The following CARHSP1 variants were observed in gnomAD, a reference collection of about 807,000 sequenced individuals.
CARHSP1 encodes calcium regulated heat stable protein 1.
Under a neutral mutation model 12.5 loss-of-function variants are expected in CARHSP1, and 14 were observed. The ratio of observed to expected loss-of-function variants is 1.12; its 90% CI spans 0.74 to 1.75. The LOEUF is 1.75. CARHSP1 is among the 40% of genes most tolerant of loss of function. The pLI is 0.00. For missense variants in CARHSP1, 343 were observed against 201.6 expected, an observed-to-expected ratio of 1.70 and a Z score of -4.25; for synonymous variants, 161 against 82.0, an observed-to-expected ratio of 1.96 and a Z score of -5.20.
At chr16:8,861,556 A>G in intron 1 of CARHSP1, 1 of 1,227,052 alleles carries the variant, frequency 8.1e-7, no homozygotes, top group Non-Finnish European at 1.1e-6. Context: ...CCCATCCCTG[A>G]AATGTCAGAA....
At position 8,855,075 on chromosome 16, in the gene CARHSP1, C is replaced by A; in HGVS notation, c.*89G>T. On this transcript the variant is annotated 3_prime_UTR_variant, in exon 4 of 4. Coordinates refer to ENST00000311052, the MANE Select transcript of CARHSP1 (RefSeq NM_014316.4). ...ACCATGCCCGGCTGAAGCCCCGTCT[C>A]GTGTGGAAGAATGTCATCTCCAGTG... is the stretch of plus-strand genomic sequence containing the variant. The A allele has an allele frequency of 8.2e-7, 1 of 1,213,764 alleles. No homozygotes were observed. Among genetic ancestry groups the A allele is most frequent in the Non-Finnish European group, 1.1e-6 (1 of 900,670 alleles). The allele number at this position is 1,213,764 out of a possible 1,614,324, so 75.2% of individuals were successfully genotyped here. A position where few individuals can be genotyped will look rare whatever the true frequency, so the allele number is the denominator to read the frequency against.
At chr16:8,864,598 A>C (rs565719980) in intron 1 of CARHSP1, among the ~76,000 whole-genome samples, 1 of 152,346 alleles carries the variant, frequency 6.6e-6, no homozygotes, top group South Asian at 2.1e-4. Context: ...AGACAGCAGA[A>C]ATGCTACGGA....
At chr16:8,859,011 C>A (rs920102225) in intron 2 of CARHSP1, 160 bp downstream of exon 2, 2 of 601,082 alleles carry the variant, frequency 3.3e-6, no homozygotes, top group East Asian at 2.9e-5. Flanking sequence ...ATTTACAAGG[C>A]GCCTTCCTAG....
chr16:8,861,003 T>C (rs2061334915), intron 1 of CARHSP1, among the ~76,000 whole-genome samples: 1 of 147,274 alleles, frequency 6.8e-6, no homozygotes, highest in South Asian at 2.2e-4. Context: ...TGAGCCGAGA[T>C]CACACCACAG....
Position 8,858,652 on chromosome 16 carries a change from G to A in CARHSP1, c.159-180C>T, listed in dbSNP as rs559103812. Reference sequence around the variant, plus strand: ...GGAGCCGCTCACAAAGACGCTGGGGGAAAGGACTCTTTGGATGACCCTGGC... The same window carrying A: ...GGAGCCGCTCACAAAGACGCTGGGGAAAAGGACTCTTTGGATGACCCTGGC... On this transcript the variant is annotated intron_variant, in intron 2 of 3. Coordinates refer to ENST00000311052, the MANE Select transcript of CARHSP1 (RefSeq NM_014316.4). The A allele has an allele frequency of 9.6e-6, 7 of 725,428 alleles. No homozygotes were observed. The South Asian group carries it at 1.2e-4, about 13-fold the overall frequency. 44.9% of individuals were successfully genotyped at this position (725,428 alleles called of 1,614,324 possible).
At chr16:8,867,924 CTAA>C (rs1399001008) in intron 1 of CARHSP1, 1 of 152,308 alleles carries the variant, frequency 6.6e-6, no homozygotes, top group East Asian at 1.9e-4. Flanking sequence ...TGGGGTAGAT[CTAA>C]GCGGATTGTT....
chr16:8,855,152 T>C lies in CARHSP1; in HGVS notation c.*12A>G. 1 of 1,568,104 alleles carries C rather than the reference T, an allele frequency of 6.4e-7. No individual in the cohort carries two copies. The highest frequency in any genetic ancestry group is 8.7e-7 in the Non-Finnish European group (1 of 1,152,694). On this transcript the variant is annotated 3_prime_UTR_variant, in exon 4 of 4. Coordinates refer to ENST00000311052, the MANE Select transcript of CARHSP1 (RefSeq NM_014316.4). Reference sequence around the variant, plus strand: ...CCCACAAGCACAGGACAAGGGGTGCTTCCACCATCTCCTAGGAGCTGATGA... The same window carrying C: ...CCCACAAGCACAGGACAAGGGGTGCCTCCACCATCTCCTAGGAGCTGATGA...
intron 1 of CARHSP1, among the ~76,000 whole-genome samples, chr16:8,863,207 A>G (rs1292343456): frequency 2.9e-5 from 4 of 139,808 alleles, no homozygotes; most frequent in East Asian, 2.1e-4. Flanking sequence ...GAAGCCTCTC[A>G]ACCTCCTGGG....
intron 1 of CARHSP1, chr16:8,861,590 T>A: frequency 7.8e-7 from 1 of 1,284,244 alleles, no homozygotes; most frequent in Non-Finnish European, 1.0e-6. Flanking sequence ...ATTGCTGCAC[T>A]CTCCCGTTGG....
intron 3 of CARHSP1, among the ~76,000 whole-genome samples, chr16:8,855,957 A>AGGCACCACAGCCAGCTAATTTTTG (rs1195642526): frequency 6.6e-6 from 1 of 152,012 alleles, no homozygotes; most frequent in East Asian, 1.9e-4. Context: ...CTGGGACTAT[A>AGGCACCACAGCCAGCTAATTTTTG]GGCACCACAG....
intron 1 of CARHSP1, among the ~76,000 whole-genome samples, chr16:8,862,019 A>ATTTTTTTTTTTTTTTTTTTTT (rs1555457429): frequency 1.2e-3 from 89 of 72,496 alleles, no homozygotes; most frequent in South Asian, 1.9e-3. Flanking sequence ...TTTTTTTTTA[A>ATTTTTTTTTTTTTTTTTTTTT]TTTGAGATGG....
chr16:8,856,086 A>G (rs985442784), intron 3 of CARHSP1, among the ~76,000 whole-genome samples: 4 of 152,172 alleles, frequency 2.6e-5, no homozygotes, highest in Non-Finnish European at 4.4e-5. Context: ...TGGGATTACA[A>G]GCGTGAGCCA....
In CARHSP1 at chr16:8,855,219, T is replaced by C; in HGVS notation, c.389A>G (p.His130Arg). 1 of 1,612,982 alleles carries C rather than the reference T, an allele frequency of 6.2e-7. No individual in the cohort carries two copies. The highest frequency in any genetic ancestry group is 8.5e-7 in the Non-Finnish European group (1 of 1,179,346). The change falls in exon 4 of 4, where the codon CAC (histidine) becomes CGC (arginine). Residue 130 changes from histidine to arginine, a missense_variant. Transcript: ENST00000311052. ...CTCATGCTTGGTGCCTGGTGCCAGG[T>C]GAGTGATGACGACCTCCACGGCCTG... ...KLQAVEVVITHLAPGTKHETW... is the reference protein window; with the variant it reads ...KLQAVEVVITRLAPGTKHETW...
At chr16:8,867,816 G>A (rs1049581481) in intron 1 of CARHSP1, 2 of 152,376 alleles carry the variant, frequency 1.3e-5, no homozygotes, top group Non-Finnish European at 2.9e-5. Flanking sequence ...CAGAGGCAGA[G>A]AGAGGCTGGA....
intron 1 of CARHSP1, among the ~76,000 whole-genome samples, chr16:8,866,038 C>T (rs2061449183): frequency 6.6e-6 from 1 of 152,150 alleles, no homozygotes; most frequent in Non-Finnish European, 1.5e-5. Flanking sequence ...ACTGCAGCCT[C>T]AACCTCCTGG....
chr16:8,860,207 C>G, intron 1 of CARHSP1: 1 of 985,424 alleles, frequency 1.0e-6, no homozygotes, highest in Non-Finnish European at 1.2e-6. Flanking sequence ...GCACCCAGGA[C>G]TGGGGGGCCT....
chr16:8,859,082 G>C (rs567353818), intron 2 of CARHSP1, 89 bp downstream of exon 2: 9 of 1,315,640 alleles, frequency 6.8e-6, no homozygotes, highest in Non-Finnish European at 9.2e-6. Context: ...CCGGGACATA[G>C]GCCCAAAAAT....
intron 1 of CARHSP1, among the ~76,000 whole-genome samples, chr16:8,865,939 C>A (rs986792069): frequency 6.6e-6 from 1 of 152,034 alleles, no homozygotes; most frequent in Non-Finnish European, 1.5e-5. Flanking sequence ...TGGGGTGGGG[C>A]CTGAGATTCT....
In CARHSP1 at chr16:8,855,035, A is replaced by C; in HGVS notation, c.*129T>G. 1 of 542,698 alleles carries C rather than the reference A, an allele frequency of 1.8e-6. No homozygotes were observed. 33.6% of individuals were successfully genotyped at this position (542,698 alleles called of 1,614,324 possible). On this transcript the variant is annotated 3_prime_UTR_variant, in exon 4 of 4. Coordinates refer to ENST00000311052, the MANE Select transcript of CARHSP1 (RefSeq NM_014316.4). ...TGCCCCCCATACCCCTTCCTCCAGG[A>C]GATACTTGAGAGGGACCATGCCCGG... is the stretch of plus-strand genomic sequence containing the variant.
Sources: gnomAD v4.1 joint callset for allele counts (sites outside exome capture counted in the v4.1 genomes callset) on GRCh38, gnomAD v4.1.1 for gene constraint, MANE v1.5 for transcripts, NCBI Gene and HGNC (gene_info 2026-07-23, HGNC 2026-07-21) for gene names.